PTPRG: variants seen among roughly 807,000 people sequenced by gnomAD.
PTPRG encodes protein tyrosine phosphatase receptor type G, also known as receptor-type tyrosine-protein phosphatase gamma.
In PTPRG, 102 loss-of-function variants were observed where a neutral mutation model predicts 165.3. That is an observed-to-expected ratio of 0.62 (90% confidence interval 0.53 to 0.73). The LOEUF is 0.73. Ranked by LOEUF, PTPRG falls within the 30% of genes least tolerant of loss-of-function variation. The pLI is 0.00. For missense variants in PTPRG, 1,866 were observed against 1,861.4 expected, an observed-to-expected ratio of 1.00 and a Z score of -0.05; for synonymous variants, 675 against 669.5, an observed-to-expected ratio of 1.01 and a Z score of -0.13.
chr3:61,709,611 C>T (rs77667104), intron 1 of PTPRG, among the ~76,000 whole-genome samples: 2,059 of 152,232 alleles, frequency 0.014, 16 homozygotes, highest in Non-Finnish European at 0.021. Flanking sequence ...CACCGTTCCC[C>T]GCCTTAAATG....
chr3:61,971,560 A>T (rs2040384612), intron 2 of PTPRG, among the ~76,000 whole-genome samples: 1 of 152,196 alleles, frequency 6.6e-6, no homozygotes, highest in Non-Finnish European at 1.5e-5. Flanking sequence ...TAACTAAAGG[A>T]AATTAGAGGT....
chr3:61,758,339 A>C (rs2033705637), intron 2 of PTPRG, among the ~76,000 whole-genome samples: 1 of 152,202 alleles, frequency 6.6e-6, no homozygotes, highest in South Asian at 2.1e-4. Context: ...TTCCCTCTGG[A>C]TATTGTTAAA....
Position 62,269,031 on chromosome 3 carries a change from G to T in PTPRG, c.2875-4G>T. On this transcript the variant is annotated splice_region_variant and splice_polypyrimidine_tract_variant and intron_variant, in intron 19 of 29. Coordinates refer to ENST00000474889, the MANE Select transcript of PTPRG (RefSeq NM_002841.4). ...TATACTTTACAACTTTTTTCTTTCT[G>T]CAGCGAAAATGTGATCAGTATTGGC... is the stretch of plus-strand genomic sequence containing the variant. 1 of 1,535,756 alleles carries T rather than the reference G, an allele frequency of 6.5e-7. No homozygotes were observed. Among genetic ancestry groups the T allele is most frequent in the African/African-American group, 1.4e-5 (1 of 72,792 alleles).
At chr3:62,048,113 C>G (rs1700355109) in intron 4 of PTPRG, among the ~76,000 whole-genome samples, 1 of 151,786 alleles carries the variant, frequency 6.6e-6, no homozygotes, top group Non-Finnish European at 1.5e-5. Context: ...TTTAATAGAA[C>G]ATGTTAACAT....
chr3:61,822,276 G>C (rs1348508519), intron 2 of PTPRG, among the ~76,000 whole-genome samples: 1 of 152,168 alleles, frequency 6.6e-6, no homozygotes, highest in Non-Finnish European at 1.5e-5. Context: ...AGTAGCCGTT[G>C]GGTTTCACGT....
At position 62,296,942 on chromosome 3, in the gene PTPRG, G is replaced by C. The variant is rs941247603; in HGVS notation, c.*3635G>C. Reference sequence around the variant, plus strand: ...AACATCTCCAGAAAAGGAGAAAGTCGATTTTATAAAATGTCGCAACTCTCC... The same window carrying C: ...AACATCTCCAGAAAAGGAGAAAGTCCATTTTATAAAATGTCGCAACTCTCC... On this transcript the variant is annotated 3_prime_UTR_variant, in exon 30 of 30. Coordinates refer to ENST00000474889, the MANE Select transcript of PTPRG (RefSeq NM_002841.4). 6.6e-6 allele frequency: 1 copy of C among 151,928 alleles called. No homozygotes were observed. Among genetic ancestry groups the C allele is most frequent in the East Asian group, 1.9e-4 (1 of 5,184 alleles). 9.4% of individuals were successfully genotyped at this position (151,928 alleles called of 1,614,324 possible).
At chr3:61,804,251 G>A (rs535395454) in intron 2 of PTPRG, among the ~76,000 whole-genome samples, 24 of 152,278 alleles carry the variant, frequency 1.6e-4, no homozygotes, top group South Asian at 4.1e-4. Flanking sequence ...AAGATTGATG[G>A]ATAAAGATGT....
chr3:62,158,841 G>A (rs1704635463), intron 7 of PTPRG, among the ~76,000 whole-genome samples: 1 of 151,934 alleles, frequency 6.6e-6, no homozygotes, highest in Admixed American at 6.6e-5. Context: ...TTTGGTTTCA[G>A]AACAGGATCT....
At chr3:61,594,624 C>T (rs1182536404) in intron 1 of PTPRG, among the ~76,000 whole-genome samples, 1 of 152,194 alleles carries the variant, frequency 6.6e-6, no homozygotes, top group Non-Finnish European at 1.5e-5. Flanking sequence ...GTTAGGTAGA[C>T]TGTTACTCAT....
rs939564163 is a variant in PTPRG at position 62,121,854 on chromosome 3, G to T, written c.616-10748G>T. On this transcript the variant is annotated intron_variant, in intron 5 of 29. Coordinates refer to ENST00000474889, the MANE Select transcript of PTPRG (RefSeq NM_002841.4). ...GGCCCAGTGAGGAAATGATTGCTGGGAACAAACTTTCTGGTTTTCCATTTT... is the reference window on the plus strand; with the variant it reads ...GGCCCAGTGAGGAAATGATTGCTGGTAACAAACTTTCTGGTTTTCCATTTT... Among the ~76,000 whole-genome samples the T allele has an allele frequency of 2.6e-5, 4 of 152,160 alleles. 1 individual carries two copies. The highest frequency in any genetic ancestry group is 2.6e-4 in the Admixed American group (4 of 15,258).
At chr3:61,808,715 ACTC>A (rs1314282881) in intron 2 of PTPRG, among the ~76,000 whole-genome samples, 9 of 151,548 alleles carry the variant, frequency 5.9e-5, no homozygotes, top group Admixed American at 3.3e-4. Flanking sequence ...ACTGAATTAA[ACTC>A]CTCCCTTTCC....
At chr3:61,747,918 T>A (rs1034916238) in intron 1 of PTPRG, among the ~76,000 whole-genome samples, 3 of 152,136 alleles carry the variant, frequency 2.0e-5, no homozygotes, top group African/African-American at 7.2e-5. Context: ...ACCTGTGACA[T>A]TTGTCTTCTT....
At chr3:62,286,135 T>C (rs546540542) in intron 28 of PTPRG, among the ~76,000 whole-genome samples, 11 of 152,288 alleles carry the variant, frequency 7.2e-5, no homozygotes, top group African/African-American at 2.4e-4. Flanking sequence ...AATTTGGCCC[T>C]GAGATCAAAG....
Position 61,888,219 on chromosome 3 carries a change from G to C in PTPRG, c.191-101406G>C, listed in dbSNP as rs564555585. Among the ~76,000 whole-genome samples, 261 of 151,904 alleles carry C rather than the reference G, an allele frequency of 1.7e-3. 1 individual carries two copies. Among genetic ancestry groups the C allele is most frequent in the African/African-American group, 4.5e-3 (187 of 41,450 alleles). The stretch of plus-strand genomic sequence containing the variant: ...AATCTTTGTGTGTGTGTGTGTGTGT[G>C]TGTCTGTCTGTCCGTCTGTGTGTAT... On this transcript the variant is annotated intron_variant, in intron 2 of 29. Coordinates refer to ENST00000474889, the MANE Select transcript of PTPRG (RefSeq NM_002841.4).
At chr3:61,991,555 G>A (rs1039670674) in intron 3 of PTPRG, among the ~76,000 whole-genome samples, 9 of 152,206 alleles carry the variant, frequency 5.9e-5, no homozygotes, top group African/African-American at 1.9e-4. Flanking sequence ...CACAGATTGT[G>A]TGCTTATTGT....
intron 5 of PTPRG, among the ~76,000 whole-genome samples, chr3:62,095,236 C>T (rs921349449): frequency 2.0e-5 from 3 of 152,284 alleles, no homozygotes; most frequent in Non-Finnish European, 2.9e-5. Context: ...ACTCTTACGC[C>T]GTGATGCTAT....
At chr3:61,892,765 G>A (rs960311358) in intron 2 of PTPRG, among the ~76,000 whole-genome samples, 2 of 151,334 alleles carry the variant, frequency 1.3e-5, no homozygotes, top group Admixed American at 6.6e-5. Context: ...GCAGTGAGCC[G>A]AGATCGTGTC....
At chr3:62,006,312 C>T (rs2041296892) in intron 4 of PTPRG, among the ~76,000 whole-genome samples, 1 of 152,126 alleles carries the variant, frequency 6.6e-6, no homozygotes, top group Non-Finnish European at 1.5e-5. Flanking sequence ...TTAAATTTAA[C>T]TTTAAAATAT....
At chr3:62,150,134 G>T (rs562498787) in intron 6 of PTPRG, among the ~76,000 whole-genome samples, 1 of 152,182 alleles carries the variant, frequency 6.6e-6, no homozygotes, top group Non-Finnish European at 1.5e-5. Flanking sequence ...ATTTAGAAAC[G>T]GTGATTCAAA....
Sources: gnomAD v4.1 joint callset for allele counts (sites outside exome capture counted in the v4.1 genomes callset) on GRCh38, gnomAD v4.1.1 for gene constraint, MANE v1.5 for transcripts, NCBI Gene and HGNC (gene_info 2026-07-23, HGNC 2026-07-21) for gene names.